TBL1X: variants seen among roughly 807,000 people sequenced by gnomAD.
The protein encoded by TBL1X is F-box-like/WD repeat-containing protein TBL1X.
A neutral mutation model predicts 50.7 loss-of-function variants in TBL1X; 10 were observed. The ratio of observed to expected loss-of-function variants is 0.20; its 90% confidence interval spans 0.12 to 0.33. The LOEUF is 0.33. Ranked by LOEUF, TBL1X falls within the 10% of genes least tolerant of loss-of-function variation. The pLI is 1.00. For synonymous variants in TBL1X, 190 were observed against 214.7 expected (o/e 0.88, Z 1.01); for missense variants, 340 against 504.4 (o/e 0.67, Z 3.12).
At chrX:9,702,630 CATAAG>C (rs1219940533) in intron 12 of TBL1X, among the ~76,000 whole-genome samples, 1 of 107,757 alleles carries the variant, frequency 9.3e-6, no homozygotes, top group Non-Finnish European at 1.9e-5. Context: ...AAAAAACTCA[CATAAG>C]ATGAGTTTCT....
intron 1 of TBL1X, among the ~76,000 whole-genome samples, chrX:9,487,422 G>A (rs1198350641): frequency 9.0e-6 from 1 of 111,081 alleles, no homozygotes; most frequent in Non-Finnish European, 1.9e-5. Flanking sequence ...TTTGCGCCTG[G>A]ATTCTTACTT....
At chrX:9,492,028 C>T (rs918464831) in intron 1 of TBL1X, among the ~76,000 whole-genome samples, 2 of 111,908 alleles carry the variant, frequency 1.8e-5, no homozygotes, top group Non-Finnish European at 3.8e-5. Context: ...ATGCTCAGAT[C>T]AGCCAAGTAT....
At chrX:9,707,980 C>G (rs2083219917) in intron 13 of TBL1X, among the ~76,000 whole-genome samples, 1 of 112,405 alleles carries the variant, frequency 8.9e-6, no homozygotes, top group African/African-American at 3.2e-5. Flanking sequence ...AACCGGAGCC[C>G]TTAGGAGTAT....
At chrX:9,501,359 A>G (rs1396694394) in intron 1 of TBL1X, among the ~76,000 whole-genome samples, 3 of 112,346 alleles carry the variant, frequency 2.7e-5, no homozygotes, top group Non-Finnish European at 5.6e-5. Flanking sequence ...ATCCATCGTC[A>G]TAAGAGTCAC....
intron 13 of TBL1X, among the ~76,000 whole-genome samples, chrX:9,706,651 C>T (rs1007792457): frequency 7.2e-5 from 8 of 111,440 alleles, no homozygotes; most frequent in Non-Finnish European, 5.6e-5. Context: ...TGAGGCGCTT[C>T]CCGGTCTTTC....
chrX:9,543,896 C>T (rs1346470606), intron 2 of TBL1X, among the ~76,000 whole-genome samples: 3 of 111,373 alleles, frequency 2.7e-5, no homozygotes, highest in Non-Finnish European at 5.6e-5. Context: ...TGACAGTAGC[C>T]GAACACAGAA....
intron 2 of TBL1X, among the ~76,000 whole-genome samples, chrX:9,547,064 C>T (rs774191118): frequency 5.5e-5 from 6 of 109,289 alleles, no homozygotes; most frequent in South Asian, 4.0e-4. Context: ...GTGATCCGCC[C>T]GCCTCGGCCT....
At chrX:9,607,209 C>T (rs1336159430) in intron 2 of TBL1X, among the ~76,000 whole-genome samples, 3 of 112,646 alleles carry the variant, frequency 2.7e-5, no homozygotes, top group Non-Finnish European at 5.6e-5. Context: ...ACGATTTTCT[C>T]AACAGGGATT....
chrX:9,612,403 A>G (rs1284018847), intron 2 of TBL1X, among the ~76,000 whole-genome samples: 4 of 111,588 alleles, frequency 3.6e-5, no homozygotes, highest in Non-Finnish European at 5.6e-5. Flanking sequence ...AGAGCCATAC[A>G]TGGAATTTAT....
At chrX:9,512,591 G>A (rs1259078899) in intron 2 of TBL1X, among the ~76,000 whole-genome samples, 2 of 109,530 alleles carry the variant, frequency 1.8e-5, no homozygotes, top group Non-Finnish European at 3.8e-5. Context: ...TCCACCTCCC[G>A]GGTTCAAGTG....
At chrX:9,478,218 A>G (rs1030377298) in intron 1 of TBL1X, among the ~76,000 whole-genome samples, 3 of 110,896 alleles carry the variant, frequency 2.7e-5, no homozygotes, top group African/African-American at 9.9e-5. Flanking sequence ...GAGGTGGGAA[A>G]AGAGCTACCT....
intron 2 of TBL1X, among the ~76,000 whole-genome samples, chrX:9,566,711 C>G (rs1244134715): frequency 9.2e-6 from 1 of 108,956 alleles, no homozygotes; most frequent in Admixed American, 9.9e-5. Context: ...ATATTGCACC[C>G]TTTGGATGCA....
intron 1 of TBL1X, among the ~76,000 whole-genome samples, chrX:9,489,353 T>C (rs1215349912): frequency 8.9e-6 from 1 of 112,018 alleles, no homozygotes; most frequent in Non-Finnish European, 1.9e-5. Context: ...GACTCAACAA[T>C]AATTAGCTTG....
chrX:9,707,332 C>T (rs751532794), intron 13 of TBL1X, among the ~76,000 whole-genome samples: 6 of 112,254 alleles, frequency 5.3e-5, no homozygotes, highest in Non-Finnish European at 1.1e-4. Context: ...AACTGACTCT[C>T]TTCTCCCGGT....
intron 1 of TBL1X, among the ~76,000 whole-genome samples, chrX:9,473,874 C>G (rs892431413): frequency 1.8e-5 from 2 of 112,442 alleles, no homozygotes; most frequent in Admixed American, 1.9e-4. Flanking sequence ...CTTCCCTGTC[C>G]AGTACATGAC....
intron 2 of TBL1X, among the ~76,000 whole-genome samples, chrX:9,570,031 C>G (rs1393416350): frequency 3.6e-5 from 4 of 111,689 alleles, no homozygotes; most frequent in African/African-American, 1.3e-4. Flanking sequence ...TTATTAAAAC[C>G]CAGGAAGTTT....
chrX:9,484,568 A>G (rs1485461573), intron 1 of TBL1X, among the ~76,000 whole-genome samples: 1 of 110,824 alleles, frequency 9.0e-6, no homozygotes, highest in Non-Finnish European at 1.9e-5. Flanking sequence ...TTGGGGCTTC[A>G]TGTTGTTGCA....
chrX:9,643,273 C>T (rs1231462664), intron 3 of TBL1X, among the ~76,000 whole-genome samples: 3 of 111,095 alleles, frequency 2.7e-5, no homozygotes, highest in Non-Finnish European at 3.8e-5. Context: ...TCAAATGTCC[C>T]GCAGTTCACA....
chrX:9,550,570 A>G (rs2082265963), intron 2 of TBL1X, among the ~76,000 whole-genome samples: 1 of 112,207 alleles, frequency 8.9e-6, no homozygotes, highest in Non-Finnish European at 1.9e-5. Flanking sequence ...TGTGTGTGGA[A>G]AAATGACTTC....
Sources: allele counts gnomAD v4.1 joint callset (sites outside exome capture counted in the v4.1 genomes callset), GRCh38; gene constraint gnomAD v4.1.1; transcripts MANE v1.5; gene names NCBI Gene and HGNC (gene_info 2026-07-23, HGNC 2026-07-21).